CHN2: variants seen among roughly 807,000 people sequenced by gnomAD.
CHN2 encodes the protein beta-chimaerin.
CHN2 carries 35 observed loss-of-function variants against 56.3 expected under a neutral mutation model. That is an observed-to-expected ratio of 0.62 (90% CI 0.47 to 0.82). The LOEUF is 0.82. CHN2 is among the 40% of genes least tolerant of loss of function. The pLI, the probability that CHN2 is intolerant of heterozygous loss-of-function variation, is 0.00. For synonymous variants in CHN2, 210 were observed against 212.8 expected (o/e 0.99, Z 0.12); for missense variants, 491 against 580.5 (o/e 0.85, Z 1.58).
intron 4 of CHN2, chr7:29,398,065 G>A (rs912099090): frequency 4.4e-6 from 1 of 227,804 alleles, no homozygotes. Flanking sequence ...AAAAGGGGGG[G>A]GGGGGGCGGT....
chr7:29,195,629 A>AGAGTGTGT lies in CHN2; in HGVS notation c.49+640_49+641insAGTGTGTG, dbSNP rs869037854. ...GAGAGAGAGAGAGAGAGAGAGAGAG[A>AGAGTGTGT]GTGTGTGTGTGTGTGTGTGTGAGAG... On this transcript the variant is annotated intron_variant, in intron 1 of 12. Transcript: ENST00000222792. 2.6e-3 allele frequency among the ~76,000 whole-genome samples: 304 copies of AGAGTGTGT among 117,540 alleles called. 3 individuals carry two copies. The highest frequency in any genetic ancestry group is 9.3e-3 in the African/African-American group (259 of 27,872). 77.1% of individuals were successfully genotyped at this position (117,540 alleles called of 152,430 possible). A position where few individuals can be genotyped will look rare whatever the true frequency, so the allele number is the denominator to read the frequency against.
At chr7:29,504,723 C>A in intron 9 of CHN2, 21 bp from the exon 10 acceptor site, 5 of 863,484 alleles carry the variant, frequency 5.8e-6, no homozygotes, top group Non-Finnish European at 6.8e-6. Context: ...TAAAGTCAGT[C>A]TCTCTCTCTC....
chr7:29,431,768 A>C (rs1782876054), intron 6 of CHN2, among the ~76,000 whole-genome samples: 1 of 152,214 alleles, frequency 6.6e-6, no homozygotes, highest in Non-Finnish European at 1.5e-5. Flanking sequence ...GGAGGGCCAC[A>C]GGGCCACCTT....
intron 9 of CHN2, among the ~76,000 whole-genome samples, chr7:29,502,305 C>G (rs1385375185): frequency 6.6e-6 from 1 of 152,176 alleles, no homozygotes; most frequent in Admixed American, 6.5e-5. Flanking sequence ...GCTTGTTGCT[C>G]TGTCCTGCTT....
intron 1 of CHN2, among the ~76,000 whole-genome samples, chr7:29,297,578 T>C (rs974290379): frequency 1.1e-4 from 16 of 151,584 alleles, no homozygotes; most frequent in African/African-American, 3.4e-4. Context: ...CGAAACAAGG[T>C]GGGGGGAGGG....
intron 1 of CHN2, among the ~76,000 whole-genome samples, chr7:29,352,560 A>C (rs1438036267): frequency 6.6e-6 from 1 of 151,870 alleles, no homozygotes; most frequent in Non-Finnish European, 1.5e-5. Context: ...CATCTCTATT[A>C]AAAAATACAA....
intron 2 of CHN2, among the ~76,000 whole-genome samples, chr7:29,180,740 A>G (rs117858786): frequency 9.5e-4 from 145 of 152,378 alleles, no homozygotes; most frequent in Non-Finnish European, 1.6e-3. Context: ...ACTAGAGTCC[A>G]GTGATTAAGA....
intron 6 of CHN2, among the ~76,000 whole-genome samples, chr7:29,426,807 G>A (rs977105533): frequency 2.8e-4 from 42 of 152,096 alleles, no homozygotes; most frequent in African/African-American, 9.2e-4. Context: ...GTTATTGGCT[G>A]GATTCATTTC....
chr7:29,459,045 G>A (rs1434189831), intron 6 of CHN2, among the ~76,000 whole-genome samples: 1 of 152,204 alleles, frequency 6.6e-6, no homozygotes, highest in Non-Finnish European at 1.5e-5. Flanking sequence ...CACTAAACTA[G>A]CAGGGACCAG....
chr7:29,495,879 T>G, intron 7 of CHN2, 73 bp from the exon 8 acceptor site: 1 of 1,278,766 alleles, frequency 7.8e-7, no homozygotes, highest in South Asian at 1.2e-5. Context: ...CTGATCTTCA[T>G]TGACATGTCT....
At chr7:29,291,053 G>T (rs148158488) in intron 1 of CHN2, among the ~76,000 whole-genome samples, 1 of 152,060 alleles carries the variant, frequency 6.6e-6, no homozygotes. Flanking sequence ...ACAGTGTCCC[G>T]CCAGCACTTG....
intron 1 of CHN2, among the ~76,000 whole-genome samples, chr7:29,242,759 GAAA>G (rs57273690): frequency 1.8e-4 from 11 of 59,730 alleles, no homozygotes; most frequent in Admixed American, 1.7e-4. Context: ...CTTTCCTTCT[GAAA>G]AAAAAAAAAA....
rs73688310 is a variant in CHN2 at position 29,163,058 on chromosome 7, G to A, written c.274+16098G>A. ...ATAATGAACTATAGTTATGTAAAAC[G>A]TTACCATGGGTTGATGGATTCATGG... On this transcript the variant is annotated intron_variant, in intron 2 of 6. Coordinates refer to the CHN2 transcript ENST00000439384. 9.2e-3 allele frequency among the ~76,000 whole-genome samples: 1,400 copies of A among 152,104 alleles called. 29 individuals carry two copies. The highest frequency in any genetic ancestry group is 0.062 in the East Asian group (319 of 5,182).
At chr7:29,189,796 G>C (rs1562817280), upstream of CHN2, among the ~76,000 whole-genome samples, 1 of 151,998 alleles carries the variant, frequency 6.6e-6, no homozygotes, top group East Asian at 1.9e-4. Flanking sequence ...CAAGCTAAGT[G>C]GCCAAATAGG....
intron 6 of CHN2, among the ~76,000 whole-genome samples, chr7:29,441,168 T>C (rs999886729): frequency 1.3e-5 from 2 of 152,150 alleles, no homozygotes; most frequent in Non-Finnish European, 2.9e-5. Context: ...CCATGTCCAA[T>C]TGATTTTTGA....
chr7:29,410,331 T>C (rs547243972), intron 6 of CHN2, among the ~76,000 whole-genome samples: 76 of 152,242 alleles, frequency 5.0e-4, no homozygotes, highest in African/African-American at 1.5e-3. Flanking sequence ...AATTATATGG[T>C]GGTTTTTGGC....
At chr7:29,486,034 C>A (rs1787950774) in intron 7 of CHN2, among the ~76,000 whole-genome samples, 1 of 152,140 alleles carries the variant, frequency 6.6e-6, no homozygotes, top group Non-Finnish European at 1.5e-5. Context: ...CCACCTCCTG[C>A]CCAGCCTGTA....
At chr7:29,396,747 C>T (rs1801787742) in intron 4 of CHN2, 1 of 151,242 alleles carries the variant, frequency 6.6e-6, no homozygotes. Flanking sequence ...AACCCACCCG[C>T]CAACCCATCC....
intron 3 of CHN2, among the ~76,000 whole-genome samples, chr7:29,382,772 T>C (rs188804107): frequency 6.6e-6 from 1 of 152,214 alleles, no homozygotes; most frequent in African/African-American, 2.4e-5. Context: ...CTCTTACTTT[T>C]AAATTAAATC....
Sources: allele counts gnomAD v4.1 joint callset (sites outside exome capture counted in the v4.1 genomes callset), GRCh38; gene constraint gnomAD v4.1.1; transcripts MANE v1.5; gene names NCBI Gene and HGNC (gene_info 2026-07-23, HGNC 2026-07-21).